The following PIM2 variants were observed in gnomAD, a reference collection of about 807,000 sequenced individuals.
PIM2 encodes the protein serine/threonine-protein kinase pim-2.
PIM2 carries 3 observed loss-of-function variants against 18.0 expected under a neutral mutation model. The ratio of observed to expected loss-of-function variants is 0.17; its 90% CI spans 0.08 to 0.43. The LOEUF (loss-of-function observed/expected upper bound fraction) is 0.43, where lower values mean the gene tolerates loss of function less well. PIM2 is among the 20% of genes least tolerant of loss of function. The pLI, the probability that PIM2 is intolerant of heterozygous loss-of-function variation, is 0.99. For missense variants in PIM2, 181 were observed against 260.8 expected, an observed-to-expected ratio of 0.69 and a Z score of 2.11; for synonymous variants, 117 against 105.3, an observed-to-expected ratio of 1.11 and a Z score of -0.68.
intron 2 of PIM2, among the ~76,000 whole-genome samples, chrX:48,918,182 C>A (rs897457016): frequency 9.2e-6 from 1 of 108,258 alleles, no homozygotes; most frequent in Non-Finnish European, 1.9e-5. Context: ...CCGCATGACT[C>A]CACACTGGAC....
chrX:48,914,307 AAGCAGAGAGGGAAGATT>A lies in PIM2; in HGVS notation c.773-30_773-14del. The stretch of plus-strand genomic sequence containing the variant: ...AGGGCACAGCAGTCTGTAGGCCAAG[AAGCAGAGAGGGAAGATT>A]AGCAGTCAGTAGGGGGTACTGGTCC... On this transcript the variant is annotated splice_polypyrimidine_tract_variant and intron_variant, in intron 5 of 5. Coordinates refer to ENST00000376509, the MANE Select transcript of PIM2 (RefSeq NM_006875.4). 1 of 1,210,692 alleles carries A rather than the reference AAGCAGAGAGGGAAGATT, an allele frequency of 8.3e-7. No homozygotes were observed. The highest frequency in any genetic ancestry group is 1.1e-6 in the Non-Finnish European group (1 of 895,069).
intron 3 of PIM2, chrX:48,915,626 T>C (rs782526926): frequency 1.8e-4 from 65 of 368,203 alleles, no homozygotes; most frequent in African/African-American, 1.5e-3. Flanking sequence ...CGTAGATCAA[T>C]AAACATTTGA....
rs781994307 is a variant in PIM2, at chrX:48,918,622, C to G, written c.85G>C (p.Glu29Gln). 20 of 1,201,582 alleles carry G rather than the reference C, an allele frequency of 1.7e-5. No homozygotes were observed. Among genetic ancestry groups the G allele is most frequent in the African/African-American group, 3.6e-5 (2 of 56,297 alleles). The change falls in exon 2 of 6, where the codon GAG (glutamate) becomes CAG (glutamine). Residue 29 changes from glutamate to glutamine, a missense_variant. Glu to Gln is a conservative substitution (Grantham distance 29, BLOSUM62 2). This residue lies in a region of PIM2 where 104 missense variants were observed against 125.3 expected (regional missense o/e 0.83). Transcript: ENST00000376509. Reference protein sequence around the residue: ...PPGGKDREAFEAEYRLGPLLG... With the variant: ...PPGGKDREAFQAEYRLGPLLG... ...AGGGGGCCGAGTCGATACTCGGCCT[C>G]GAACGCTTCCCGATCCTTGCCTCCT... is the stretch of plus-strand genomic sequence containing the variant.
At position 48,913,453 on chromosome X, in the gene PIM2, G is replaced by A. The variant is rs1557044738; in HGVS notation, c.*678C>T. ...CCATCCCATCCTAGTGTCTGGTGGT[G>A]TCCGGTGGTGTCCATCTTCCATTCC... is the stretch of plus-strand genomic sequence containing the variant. On this transcript the variant is annotated 3_prime_UTR_variant, in exon 6 of 6. Transcript: ENST00000376509. The A allele has an allele frequency of 9.4e-6, 1 of 106,091 alleles. No individual in the cohort carries two copies. The highest frequency in any genetic ancestry group is 3.5e-5 in the African/African-American group (1 of 28,858). The allele number at this position is 106,091 out of a possible 1,213,427, so 8.7% of individuals were successfully genotyped here.
chrX:48,915,716 G>A, intron 3 of PIM2: 1 of 192,553 alleles, frequency 5.2e-6, no homozygotes, highest in African/African-American at 2.9e-5. Context: ...TGGGTGGATT[G>A]CTTGAGCCCA....
At position 48,914,227 on chromosome X, in the gene PIM2, G is replaced by A. The variant is rs781894043; in HGVS notation, c.840C>T (p.Ile280=). The A allele has an allele frequency of 8.3e-7, 1 of 1,199,923 alleles. No individual in the cohort carries two copies. Among genetic ancestry groups the A allele is most frequent in the Admixed American group, 2.3e-5 (1 of 44,188 alleles). ...KPSSRPSLEE[I]LLDPWMQTPA... is the part of the protein sequence containing the mutation. ...GTGTTTGCATCCAGGGGTCCAGCAGGATCTCTTCCAGTGAGGGTCGGGAAG... is the reference window on the plus strand; with the variant it reads ...GTGTTTGCATCCAGGGGTCCAGCAGAATCTCTTCCAGTGAGGGTCGGGAAG... Residue 280 remains isoleucine, a synonymous_variant, in exon 6 of 6, where the codon ATC becomes ATT. Transcript: ENST00000376509.
At chrX:48,916,524 C>G (rs2063563236) in intron 3 of PIM2, among the ~76,000 whole-genome samples, 1 of 110,767 alleles carries the variant, frequency 9.0e-6, no homozygotes, top group South Asian at 3.8e-4. Flanking sequence ...CCAGCCTGAC[C>G]AACATGGAGA....
At chrX:48,918,500 C>A (rs782601194) in intron 2 of PIM2, 36 bp downstream of exon 2, 1 of 1,029,642 alleles carries the variant, frequency 9.7e-7, no homozygotes. Context: ...CCCCGCCACA[C>A]GCACCTGACC....
intron 3 of PIM2, among the ~76,000 whole-genome samples, chrX:48,915,894 AAAAC>A (rs2063561744): frequency 8.9e-6 from 1 of 112,532 alleles, no homozygotes. Flanking sequence ...CAGCTGTCTC[AAAAC>A]AAACAAGCAA....
At position 48,917,689 on chromosome X, in the gene PIM2, G is replaced by A. The variant is rs141748644; in HGVS notation, c.222+92C>T. 670 of 649,547 alleles carry A rather than the reference G, an allele frequency of 1.0e-3. 8 individuals carry two copies. The East Asian group carries it at 0.023, about 23-fold the overall frequency. The allele number at this position is 649,547 out of a possible 1,213,427, so 53.5% of individuals were successfully genotyped here. On this transcript the variant is annotated intron_variant, in intron 3 of 5. Transcript: ENST00000376509. Reference sequence around the variant, plus strand: ...CTGGCAGTATTCTCACTGTTACAGGGCCCAGGGAGTCATACATCCCCTGGA... The same window carrying A: ...CTGGCAGTATTCTCACTGTTACAGGACCCAGGGAGTCATACATCCCCTGGA...
At position 48,914,169 on chromosome X, in the gene PIM2, C is replaced by T; in HGVS notation, c.898G>A (p.Gly300Arg). 1 of 1,162,663 alleles carries T rather than the reference C, an allele frequency of 8.6e-7. No homozygotes were observed. The highest frequency in any genetic ancestry group is 1.1e-6 in the Non-Finnish European group (1 of 872,066). Reference sequence around the variant, plus strand: ...GACCAGGCCAAAGGGGCAGGGCCTCCTTTGGAGGGGTTGAGGGGTACATCC... The same window carrying T: ...GACCAGGCCAAAGGGGCAGGGCCTCTTTTGGAGGGGTTGAGGGGTACATCC... ...AEDVPLNPSKGGPAPLAWSLL... is the reference protein window; with the variant it reads ...AEDVPLNPSKRGPAPLAWSLL... Residue 300 changes from glycine (G) to arginine (R), a missense_variant, in exon 6 of 6, where the codon GGA becomes AGA. This residue lies in a region of PIM2 where 41 missense variants were observed against 52.0 expected (regional missense o/e 0.79). Coordinates refer to ENST00000376509, the MANE Select transcript of PIM2 (RefSeq NM_006875.4).
At chrX:48,914,348 C>T in intron 5 of PIM2, 47 bp downstream of exon 5, 3 of 1,210,388 alleles carry the variant, frequency 2.5e-6, no homozygotes, top group Non-Finnish European at 3.4e-6. Flanking sequence ...GGGTACTGGT[C>T]CCTGAGAAGG....
intron 3 of PIM2, among the ~76,000 whole-genome samples, chrX:48,916,134 A>T (rs1557045203): frequency 8.9e-6 from 1 of 112,827 alleles, no homozygotes; most frequent in African/African-American, 3.2e-5. Flanking sequence ...TCACGGACGT[A>T]TATGAAGCAC....
chrX:48,917,587 T>C (rs1557045385), intron 3 of PIM2, among the ~76,000 whole-genome samples, 194 bp downstream of exon 3: 1 of 112,994 alleles, frequency 8.9e-6, no homozygotes, highest in African/African-American at 3.2e-5. Context: ...AAAGGTTTGT[T>C]GGAGGGGAGA....
Position 48,915,144 on chromosome X carries a change from A to C in PIM2, c.471T>G (p.Arg157=). 8.2e-7 allele frequency: 1 copy of C among 1,212,286 alleles called. No individual in the cohort carries two copies. Among genetic ancestry groups the C allele is most frequent in the Non-Finnish European group, 1.1e-6 (1 of 895,557 alleles). ...CCTTGATGTCACGATGGACAACTCC[A>C]CGGGAATGGCAGTGCTGGATGGCTG... ...VVAAIQHCHS[R]GVVHRDIKDE... The change falls in exon 4 of 6, where the codon CGT becomes CGG. Residue 157 remains arginine (R), a synonymous_variant. Transcript: ENST00000376509.
intron 5 of PIM2, 40 bp from the exon 6 acceptor site, chrX:48,914,334 T>C (rs1569512210): frequency 8.3e-7 from 1 of 1,210,234 alleles, no homozygotes. Context: ...TAGCAGTCAG[T>C]AGGGGGTACT....
chrX:48,917,278 G>C (rs1287970649), intron 3 of PIM2, among the ~76,000 whole-genome samples: 1 of 111,950 alleles, frequency 8.9e-6, no homozygotes, highest in Non-Finnish European at 1.9e-5. Flanking sequence ...CTCCTGGCCA[G>C]GCTGCTGACT....
intron 3 of PIM2, chrX:48,915,620 G>C (rs2063561120): frequency 2.6e-6 from 1 of 384,505 alleles, no homozygotes; most frequent in South Asian, 4.7e-5. Context: ...GCATGTCGTA[G>C]ATCAATAAAC....
chrX:48,918,689 G>A, intron 1 of PIM2, 44 bp from the exon 2 acceptor site: 2 of 1,123,618 alleles, frequency 1.8e-6, no homozygotes, highest in Admixed American at 2.3e-5. Flanking sequence ...GGCGTGCTGA[G>A]CCCAGCCACG....
Sources: allele counts gnomAD v4.1 joint callset (sites outside exome capture counted in the v4.1 genomes callset), GRCh38; gene constraint gnomAD v4.1.1; regional missense constraint gnomAD v4.1.1; transcripts MANE v1.5; gene names NCBI Gene and HGNC (gene_info 2026-07-23, HGNC 2026-07-21).